SYNJ2: variants seen among roughly 807,000 people sequenced by gnomAD.
SYNJ2 encodes synaptojanin 2, also known as polyphosphatidylinositol phosphatase SYNJ2.
A neutral mutation model predicts 141.3 loss-of-function variants in SYNJ2; 116 were observed. That is an observed-to-expected ratio of 0.82 (90% confidence interval 0.71 to 0.96). The LOEUF (loss-of-function observed/expected upper bound fraction) is 0.96, where lower values mean the gene tolerates loss of function less well. Ranked by LOEUF, SYNJ2 falls within the 40% of genes least tolerant of loss-of-function variation. The pLI is 0.00. For synonymous variants in SYNJ2, 745 were observed against 777.7 expected, an observed-to-expected ratio of 0.96 and a Z score of 0.70; for missense variants, 1,873 against 1,934.8, an observed-to-expected ratio of 0.97 and a Z score of 0.60.
Position 158,027,266 on chromosome 6 carries a change from C to T in SYNJ2, c.215-1490C>T, listed in dbSNP as rs1779097375. ...ACCATCTCCAGACCATGGCTGTAGA[C>T]AGCGGCCCTTGATCATTCACAGAAG... On this transcript the variant is annotated intron_variant, in intron 2 of 26. Coordinates refer to ENST00000355585, the MANE Select transcript of SYNJ2 (RefSeq NM_003898.4). This position sits in a 1 kb window ranked among gnomAD's most constrained non-coding sequence, Gnocchi z 4.6. 1 of 912,434 alleles carries T rather than the reference C, an allele frequency of 1.1e-6. No homozygotes were observed. The highest frequency in any genetic ancestry group is 1.3e-6 in the Non-Finnish European group (1 of 763,538). The allele number at this position is 912,434 out of a possible 1,614,324, so 56.5% of individuals were successfully genotyped here.
chr6:158,028,583 C>A, intron 2 of SYNJ2, 173 bp from the exon 3 acceptor site: 1 of 798,824 alleles, frequency 1.3e-6, no homozygotes, highest in Non-Finnish European at 1.9e-6. Context: ...CTGAAGCTTA[C>A]AGGACAGGGC....
intron 5 of SYNJ2, among the ~76,000 whole-genome samples, chr6:158,050,736 C>G (rs541640931): frequency 5.9e-5 from 9 of 152,296 alleles, no homozygotes; most frequent in Admixed American, 1.3e-4. Flanking sequence ...AAGGCAGGTG[C>G]CTCATTTCAC....
intron 2 of SYNJ2, among the ~76,000 whole-genome samples, chr6:158,022,080 A>T (rs1778806142): frequency 6.6e-6 from 1 of 152,196 alleles, no homozygotes; most frequent in Non-Finnish European, 1.5e-5. Context: ...ACCATGCCGC[A>T]TGGGCACACA....
At chr6:158,076,517 TTC>T in intron 16 of SYNJ2, 107 bp from the exon 17 acceptor site, 1 of 1,238,754 alleles carries the variant, frequency 8.1e-7, no homozygotes, top group Non-Finnish European at 1.1e-6. Flanking sequence ...GTAATGGAGC[TTC>T]TGTTACTTTT....
At position 158,064,606 on chromosome 6, in the gene SYNJ2, G is replaced by C. The variant is rs61755329; in HGVS notation, c.1215G>C (p.Leu405=). The C allele has an allele frequency of 1.9e-5, 31 of 1,613,774 alleles. No individual in the cohort carries two copies. Among genetic ancestry groups the C allele is most frequent in the Non-Finnish European group, 2.6e-5 (31 of 1,179,920 alleles). ...TVQSFIALEV[L]HLQLKTLGLS... ...CATCCCTTATTCCTCCCCAGGTCCT[G>C]CATCTGCAGCTCAAGACCCTGGGGC... The change falls in exon 10 of 27, where the codon CTG becomes CTC. Residue 405 remains leucine (L), a synonymous_variant. Transcript: ENST00000355585.
chr6:158,028,901 G>A lies in SYNJ2; in HGVS notation c.360G>A (p.Leu120=). The change falls in exon 3 of 27, where the codon TTG becomes TTA. Residue 120 remains leucine (L), a synonymous_variant. Transcript: ENST00000355585. The part of the protein sequence containing the change: ...EAKEEERLIA[L]KKILSSGVFY... ...AGGAGGAGGAACGCCTCATAGCTTT[G>A]AAGAAAATCCTCAGCTCGGGGGTGT... 6.2e-7 allele frequency: 1 copy of A among 1,614,192 alleles called. No individual in the cohort carries two copies.
chr6:158,088,181 C>A (rs1783204976), intron 23 of SYNJ2, among the ~76,000 whole-genome samples: 1 of 151,008 alleles, frequency 6.6e-6, no homozygotes, highest in Non-Finnish European at 1.5e-5. Flanking sequence ...CTACCTCAGC[C>A]TGCCAAGTAG....
At chr6:157,987,982 G>A (rs964225641) in intron 1 of SYNJ2, among the ~76,000 whole-genome samples, 1 of 152,366 alleles carries the variant, frequency 6.6e-6, no homozygotes, top group African/African-American at 2.4e-5. Context: ...GCCCTTTGAC[G>A]GCACTGCCTC....
intron 22 of SYNJ2, 22 bp from the exon 23 acceptor site, chr6:158,086,833 C>T: frequency 6.2e-7 from 1 of 1,610,120 alleles, no homozygotes; most frequent in Non-Finnish European, 8.5e-7. Context: ...CCATTGTACT[C>T]ATGCCCCGCC....
chr6:158,036,911 C>A (rs977945080), intron 4 of SYNJ2, among the ~76,000 whole-genome samples: 2 of 152,140 alleles, frequency 1.3e-5, no homozygotes, highest in African/African-American at 4.8e-5. Context: ...TTACCACTTG[C>A]CTTTTATTTT....
chr6:158,036,064 A>G (rs1562344535), intron 4 of SYNJ2, among the ~76,000 whole-genome samples: 1 of 152,192 alleles, frequency 6.6e-6, no homozygotes, highest in Non-Finnish European at 1.5e-5. Flanking sequence ...AAAAAAGCTT[A>G]ACATCACTGA....
intron 4 of SYNJ2, among the ~76,000 whole-genome samples, chr6:158,037,294 A>G (rs768961967): frequency 6.4e-5 from 4 of 62,196 alleles, no homozygotes; most frequent in Admixed American, 1.3e-4. Flanking sequence ...GCATCTCTCC[A>G]TCATCTCTGC....
intron 8 of SYNJ2, 63 bp from the exon 9 acceptor site, chr6:158,063,728 G>T: frequency 8.5e-7 from 1 of 1,180,848 alleles, no homozygotes; most frequent in Non-Finnish European, 1.2e-6. Context: ...ATGGGCCTCT[G>T]TGCTATGGCC....
At chr6:158,015,769 A>T (rs9365726) in intron 1 of SYNJ2, among the ~76,000 whole-genome samples, 11 of 152,072 alleles carry the variant, frequency 7.2e-5, no homozygotes, top group Non-Finnish European at 1.6e-4. Context: ...TTGCTATACT[A>T]TAACATTTTT....
chr6:157,988,557 C>T (rs1777294669), intron 1 of SYNJ2, among the ~76,000 whole-genome samples: 1 of 152,228 alleles, frequency 6.6e-6, no homozygotes, highest in Non-Finnish European at 1.5e-5. Flanking sequence ...CTGTGTCTCT[C>T]TTCTGGAGCG....
In SYNJ2 at chr6:158,093,041, T is replaced by A; in HGVS notation, c.3681T>A (p.Leu1227=). 6.2e-7 allele frequency: 1 copy of A among 1,609,294 alleles called. No homozygotes were observed. The highest frequency in any genetic ancestry group is 8.5e-7 in the Non-Finnish European group (1 of 1,178,626). ...AGACCCCACAGGCGCCCCCACTCCT[T>A]CCCCGTCGGCCCCCACCCAGAGTTC... ...KPETPQAPPL[L]PRRPPPRVPA... Residue 1227 remains leucine (L), a synonymous_variant, in exon 26 of 27, where the codon CTT becomes CTA. Coordinates refer to ENST00000355585, the MANE Select transcript of SYNJ2 (RefSeq NM_003898.4).
chr6:158,092,824 T>C (rs914931402), intron 25 of SYNJ2, 102 bp from the exon 26 acceptor site: 2 of 1,136,738 alleles, frequency 1.8e-6, no homozygotes, highest in Non-Finnish European at 2.4e-6. Flanking sequence ...TGAAATACAC[T>C]GAATTAGTAA....
intron 2 of SYNJ2, among the ~76,000 whole-genome samples, chr6:158,019,459 T>G (rs1475639924): frequency 1.3e-5 from 2 of 152,170 alleles, no homozygotes; most frequent in African/African-American, 4.8e-5. Context: ...AAATTGGTCC[T>G]AACCAGGAAG....
intron 25 of SYNJ2, among the ~76,000 whole-genome samples, chr6:158,091,819 A>G (rs1171038754): frequency 6.6e-6 from 1 of 151,958 alleles, no homozygotes; most frequent in Non-Finnish European, 1.5e-5. Context: ...TGAAGACATT[A>G]TACTATGTGA....
Sources: allele counts gnomAD v4.1 joint callset (sites outside exome capture counted in the v4.1 genomes callset), GRCh38; gene constraint gnomAD v4.1.1; non-coding constraint Gnocchi (gnomAD v3.1); transcripts MANE v1.5; gene names NCBI Gene and HGNC (gene_info 2026-07-23, HGNC 2026-07-21).